The following PPM1L variants were observed in gnomAD, a reference collection of about 807,000 sequenced individuals.
PPM1L encodes the protein protein phosphatase 1L.
In PPM1L, 13 loss-of-function variants were observed where a neutral mutation model predicts 31.4. The ratio of observed to expected loss-of-function variants is 0.41; its 90% CI spans 0.27 to 0.66. The LOEUF (loss-of-function observed/expected upper bound fraction) is 0.66. Ranked by LOEUF, PPM1L falls within the 30% of genes least tolerant of loss-of-function variation. The probability of loss-of-function intolerance (pLI) is 0.29; values close to 1 mark genes in which losing one functional copy is unlikely to be tolerated. For synonymous variants in PPM1L, 184 were observed against 175.4 expected (o/e 1.05, Z -0.39); for missense variants, 326 against 453.7 (o/e 0.72, Z 2.56).
At chr3:160,866,540 A>C (rs778492973) in intron 1 of PPM1L, among the ~76,000 whole-genome samples, 6 of 152,216 alleles carry the variant, frequency 3.9e-5, no homozygotes, top group Non-Finnish European at 7.3e-5. Flanking sequence ...GAGAATAATA[A>C]TACTAAAATA....
At chr3:160,775,074 G>A (rs757218665) in intron 1 of PPM1L, among the ~76,000 whole-genome samples, 1 of 152,216 alleles carries the variant, frequency 6.6e-6, no homozygotes, top group Non-Finnish European at 1.5e-5. Flanking sequence ...AATGTGCCAG[G>A]TACTTTTAGT....
At chr3:160,809,169 T>TA (rs1712732657) in intron 1 of PPM1L, among the ~76,000 whole-genome samples, 1 of 151,352 alleles carries the variant, frequency 6.6e-6, no homozygotes, top group African/African-American at 2.4e-5. Flanking sequence ...GCAAAATATA[T>TA]TTTTTTTTCT....
At chr3:160,823,527 TA>T (rs1391712314) in intron 1 of PPM1L, among the ~76,000 whole-genome samples, 1 of 152,110 alleles carries the variant, frequency 6.6e-6, no homozygotes, top group Non-Finnish European at 1.5e-5. Context: ...TGATTATGTT[TA>T]TACTTTTAAT....
chr3:160,808,319 GTGCGTGCA>G (rs1712672987), intron 1 of PPM1L, among the ~76,000 whole-genome samples: 1 of 147,056 alleles, frequency 6.8e-6, no homozygotes, highest in African/African-American at 2.6e-5. Flanking sequence ...GTGTGTGTGT[GTGCGTGCA>G]TGTGTGGTGG....
intron 1 of PPM1L, among the ~76,000 whole-genome samples, chr3:160,880,630 A>T (rs367766574): frequency 1.8e-5 from 1 of 56,434 alleles, no homozygotes; most frequent in Admixed American, 1.8e-4. Flanking sequence ...TTCTGTGGTT[A>T]AAAAAAAAAA....
chr3:160,827,007 A>G (rs937025790), intron 1 of PPM1L, among the ~76,000 whole-genome samples: 1 of 152,184 alleles, frequency 6.6e-6, no homozygotes, highest in African/African-American at 2.4e-5. Flanking sequence ...AAAATAAAAT[A>G]CAAAAGAACA....
At chr3:160,970,791 T>G (rs1475675418) in intron 2 of PPM1L, among the ~76,000 whole-genome samples, 1 of 132,692 alleles carries the variant, frequency 7.5e-6, no homozygotes, top group South Asian at 2.4e-4. Flanking sequence ...GTTATAATTT[T>G]TTTTTTTTTT....
intron 2 of PPM1L, among the ~76,000 whole-genome samples, chr3:161,010,505 G>C (rs942619145): frequency 1.3e-5 from 2 of 152,180 alleles, no homozygotes; most frequent in African/African-American, 4.8e-5. Context: ...TGTCTTTATA[G>C]CAGCATGATT....
chr3:161,045,539 T>C (rs1314326717), intron 2 of PPM1L, among the ~76,000 whole-genome samples: 1 of 152,130 alleles, frequency 6.6e-6, no homozygotes, highest in Non-Finnish European at 1.5e-5. Context: ...TATAACGAAA[T>C]GAAGGCAGAA....
At chr3:160,903,669 A>T (rs1259993746) in intron 1 of PPM1L, among the ~76,000 whole-genome samples, 1 of 152,018 alleles carries the variant, frequency 6.6e-6, no homozygotes, top group Non-Finnish European at 1.5e-5. Flanking sequence ...TTCCATAAAC[A>T]TCTCTTGAGG....
chr3:160,832,716 C>T (rs1388758699), intron 1 of PPM1L, among the ~76,000 whole-genome samples: 1 of 152,098 alleles, frequency 6.6e-6, no homozygotes, highest in Non-Finnish European at 1.5e-5. Context: ...ATGTTAACTA[C>T]ATTGCAGAAT....
chr3:160,891,553 G>T (rs1713143739), intron 1 of PPM1L, among the ~76,000 whole-genome samples: 1 of 152,028 alleles, frequency 6.6e-6, no homozygotes, highest in Non-Finnish European at 1.5e-5. Context: ...TTGGTGGGAG[G>T]GTAAATTAGT....
intron 1 of PPM1L, among the ~76,000 whole-genome samples, chr3:160,771,271 T>C (rs1715248137): frequency 6.6e-6 from 1 of 152,088 alleles, no homozygotes; most frequent in African/African-American, 2.4e-5. Flanking sequence ...CTTTTCTTTT[T>C]TTTTGAGACA....
intron 1 of PPM1L, among the ~76,000 whole-genome samples, chr3:160,836,257 G>A (rs1472179356): frequency 6.6e-6 from 1 of 151,944 alleles, no homozygotes; most frequent in African/African-American, 2.4e-5. Flanking sequence ...GAAGTAGGAA[G>A]TATTTTTAAG....
At chr3:160,771,251 C>T (rs573743394) in intron 1 of PPM1L, among the ~76,000 whole-genome samples, 14 of 151,612 alleles carry the variant, frequency 9.2e-5, no homozygotes, top group Admixed American at 4.6e-4. Context: ...GGCAACTTTC[C>T]GGAACTTTTC....
At chr3:161,017,347 C>T (rs769419606) in intron 2 of PPM1L, among the ~76,000 whole-genome samples, 1 of 152,158 alleles carries the variant, frequency 6.6e-6, no homozygotes, top group Non-Finnish European at 1.5e-5. Context: ...AGAGAAGTGT[C>T]ATATTTTTGT....
At chr3:160,848,493 T>G (rs1448312083) in intron 1 of PPM1L, among the ~76,000 whole-genome samples, 1 of 152,230 alleles carries the variant, frequency 6.6e-6, no homozygotes, top group Non-Finnish European at 1.5e-5. Context: ...CTCCCACATC[T>G]TCTTATATCA....
intron 1 of PPM1L, among the ~76,000 whole-genome samples, chr3:160,809,694 T>G (rs1576648305): frequency 6.6e-6 from 1 of 152,208 alleles, no homozygotes; most frequent in East Asian, 1.9e-4. Flanking sequence ...GCTCTTACCA[T>G]CTCTCCAGTG....
intron 1 of PPM1L, among the ~76,000 whole-genome samples, chr3:160,952,964 A>G (rs1280152975): frequency 1.3e-5 from 2 of 152,208 alleles, no homozygotes; most frequent in African/African-American, 4.8e-5. Context: ...GGAGGGGGAA[A>G]GGTAATTTAT....
Sources: gnomAD v4.1 joint callset for allele counts (sites outside exome capture counted in the v4.1 genomes callset) on GRCh38, gnomAD v4.1.1 for gene constraint, MANE v1.5 for transcripts, NCBI Gene and HGNC (gene_info 2026-07-23, HGNC 2026-07-21) for gene names.